Variants in ZNF718 observed in about 807,000 individuals in gnomAD.
ZNF718 encodes zinc finger protein 718.
Under a neutral mutation model 2.6 loss-of-function variants are expected in ZNF718, and 3 were observed. The observed-to-expected ratio is 1.16, with a 90% CI of 0.53 to 3.01. The LOEUF (loss-of-function observed/expected upper bound fraction) is 3.01. ZNF718 is among the 30% of genes most tolerant of loss of function. The pLI is 0.03. For synonymous variants in ZNF718, 135 were observed against 77.9 expected, an observed-to-expected ratio of 1.73 and a Z score of -3.86; for missense variants, 468 against 230.0, an observed-to-expected ratio of 2.03 and a Z score of -6.69.
intron 3 of ZNF718, chr4:150,021 C>T (rs1236749091): frequency 1.3e-5 from 2 of 151,964 alleles, no homozygotes; most frequent in Non-Finnish European, 2.9e-5. Flanking sequence ...AAACTGCCCC[C>T]CTTTTTTTCT....
chr4:130,749 A>G, intron 1 of ZNF718, 39 bp from the exon 2 acceptor site: 3 of 305,394 alleles, frequency 9.8e-6, no homozygotes, highest in Middle Eastern at 9.4e-4. Context: ...ATTAAAAAAA[A>G]AAAAAGAATT....
At chr4:124,812 G>C (rs782655864) in intron 1 of ZNF718, 139 bp downstream of exon 1, 3 of 1,149,660 alleles carry the variant, frequency 2.6e-6, no homozygotes, top group Non-Finnish European at 3.7e-6. Context: ...AGGGACCCGC[G>C]CTCTTGTCAG....
At chr4:170,171 T>C (rs1560127331) in intron 3 of ZNF718, among the ~76,000 whole-genome samples, 1 of 152,234 alleles carries the variant, frequency 6.6e-6, no homozygotes, top group South Asian at 2.1e-4. Context: ...TGTTGAATAT[T>C]GGCCCCCACT....
At chr4:196,498 G>A (rs1283025551) in intron 3 of ZNF718, among the ~76,000 whole-genome samples, 2 of 152,206 alleles carry the variant, frequency 1.3e-5, no homozygotes, top group Admixed American at 6.5e-5. Context: ...AGAGGAAATA[G>A]ATACAGAGGT....
At chr4:135,455 G>C (rs1715520063) in intron 3 of ZNF718, among the ~76,000 whole-genome samples, 1 of 151,678 alleles carries the variant, frequency 6.6e-6, no homozygotes, top group Admixed American at 6.6e-5. Flanking sequence ...GTGTTTCTAG[G>C]TCACAGGTAC....
At chr4:195,000 T>C (rs758063037) in intron 3 of ZNF718, among the ~76,000 whole-genome samples, 2 of 152,156 alleles carry the variant, frequency 1.3e-5, no homozygotes, top group Non-Finnish European at 2.9e-5. Context: ...TTTCCTGCCT[T>C]TCTTGACCAC....
intron 3 of ZNF718, among the ~76,000 whole-genome samples, chr4:160,401 G>T (rs189643519): frequency 6.6e-6 from 1 of 152,230 alleles, no homozygotes; most frequent in Admixed American, 6.5e-5. Flanking sequence ...TCACACAAAG[G>T]CATTTTGGTC....
intron 3 of ZNF718, among the ~76,000 whole-genome samples, chr4:173,179 C>T (rs1717274550): frequency 6.6e-6 from 1 of 151,824 alleles, no homozygotes; most frequent in Non-Finnish European, 1.5e-5. Flanking sequence ...TTTTCAACTG[C>T]CCTTCCCCAC....
intron 3 of ZNF718, among the ~76,000 whole-genome samples, chr4:160,360 G>A (rs1376095030): frequency 2.6e-5 from 4 of 152,080 alleles, no homozygotes; most frequent in Non-Finnish European, 5.9e-5. Flanking sequence ...CTTACCTGAG[G>A]CATTGCACAT....
At chr4:168,566 C>T (rs552013799), downstream of ZNF718, among the ~76,000 whole-genome samples, 26 of 152,172 alleles carry the variant, frequency 1.7e-4, no homozygotes, top group African/African-American at 6.3e-4. Flanking sequence ...CAACTTTTTC[C>T]TAGTTTAGTC....
intron 3 of ZNF718, chr4:142,155 G>A: frequency 2.3e-6 from 1 of 433,026 alleles, no homozygotes; most frequent in South Asian, 1.7e-5. Flanking sequence ...CCCTTGAGGT[G>A]AAGCTAACCA....
Position 127,514 on chromosome 4 carries a change from C to G in ZNF718, c.3+2841C>G, listed in dbSNP as rs1401115768. 6.2e-3 allele frequency among the ~76,000 whole-genome samples: 648 copies of G among 104,864 alleles called. 200 individuals carry two copies. Among genetic ancestry groups the G allele is most frequent in the African/African-American group, 0.02 (612 of 30,306 alleles). 68.8% of individuals were successfully genotyped at this position (104,864 alleles called of 152,430 possible). A position where few individuals can be genotyped will look rare whatever the true frequency, so the allele number is the denominator to read the frequency against. On this transcript the variant is annotated intron_variant, in intron 1 of 3. Coordinates refer to ENST00000510175, the MANE Select transcript of ZNF718 (RefSeq NM_001039127.6). The stretch of plus-strand genomic sequence containing the variant: ...TGAGAACTTCAATTCTCTCCCTCCT[C>G]CCTTTGCCCAAATGCCCGCAAATGT...
In ZNF718 at chr4:136,209, G is replaced by A. The variant is rs187486004; in HGVS notation, c.226+4704G>A. Among the ~76,000 whole-genome samples, 6 of 152,270 alleles carry A rather than the reference G, an allele frequency of 3.9e-5. No individual in the cohort carries two copies. The East Asian group carries it at 1.2e-3, about 29-fold the overall frequency. Reference sequence around the variant, plus strand: ...TAGGCCAAGTACCAGGTGTATGAATGGGTTTGGCTTCTACTGACTACCGGG... The same window carrying A: ...TAGGCCAAGTACCAGGTGTATGAATAGGTTTGGCTTCTACTGACTACCGGG... On this transcript the variant is annotated intron_variant, in intron 3 of 3. Coordinates refer to ENST00000510175, the MANE Select transcript of ZNF718 (RefSeq NM_001039127.6).
intron 3 of ZNF718, chr4:142,087 G>A (rs1715837066): frequency 1.9e-6 from 1 of 519,420 alleles, no homozygotes. Flanking sequence ...TTGGGCTTTA[G>A]GTTAACGGGT....
intron 3 of ZNF718, among the ~76,000 whole-genome samples, chr4:182,819 A>C (rs1717494693): frequency 6.6e-6 from 1 of 152,050 alleles, no homozygotes; most frequent in Non-Finnish European, 1.5e-5. Flanking sequence ...AGTGTCTGTT[A>C]ATATCCTTTG....
At chr4:170,494 G>T (rs376177008) in intron 3 of ZNF718, among the ~76,000 whole-genome samples, 1 of 152,052 alleles carries the variant, frequency 6.6e-6, no homozygotes, top group South Asian at 2.1e-4. Flanking sequence ...CCAATCAGAC[G>T]TAGATTTGGT....
intron 3 of ZNF718, among the ~76,000 whole-genome samples, chr4:140,107 CCTT>C (rs1166307039): frequency 6.6e-6 from 1 of 152,054 alleles, no homozygotes; most frequent in Non-Finnish European, 1.5e-5. Flanking sequence ...GGGACTTAAA[CCTT>C]CTTATGCTAA....
intron 3 of ZNF718, among the ~76,000 whole-genome samples, chr4:175,716 A>T (rs1553818968): frequency 6.6e-6 from 1 of 152,068 alleles, no homozygotes; most frequent in Non-Finnish European, 1.5e-5. Context: ...TACTCTGCAG[A>T]TTTACTAATA....
At chr4:133,489 T>G (rs1183438114) in intron 3 of ZNF718, among the ~76,000 whole-genome samples, 1 of 152,140 alleles carries the variant, frequency 6.6e-6, no homozygotes, top group African/African-American at 2.4e-5. Flanking sequence ...TCTTATTTAG[T>G]AGGAAGCCTA....
Sources: gnomAD v4.1 joint callset for allele counts (sites outside exome capture counted in the v4.1 genomes callset) on GRCh38, gnomAD v4.1.1 for gene constraint, MANE v1.5 for transcripts, NCBI Gene and HGNC (gene_info 2026-07-23, HGNC 2026-07-21) for gene names.